The following COQ8A variants were observed in gnomAD, a reference collection of about 807,000 sequenced individuals.
COQ8A encodes the protein coenzyme Q8A, also known as atypical kinase COQ8A, mitochondrial.
Under a neutral mutation model 65.0 loss-of-function variants are expected in COQ8A, and 51 were observed. The ratio of observed to expected loss-of-function variants is 0.78; its 90% CI spans 0.63 to 0.99. COQ8A has a LOEUF of 0.99. Among genes scored for constraint, COQ8A ranks in the 50% least tolerant of loss-of-function variants. The pLI is 0.00. For missense variants in COQ8A, 940 were observed against 875.0 expected, an observed-to-expected ratio of 1.07 and a Z score of -0.94; for synonymous variants, 371 against 353.2, an observed-to-expected ratio of 1.05 and a Z score of -0.57.
intron 2 of COQ8A, among the ~76,000 whole-genome samples, chr1:226,963,228 C>T (rs370711853): frequency 3.3e-5 from 5 of 152,224 alleles, no homozygotes; most frequent in South Asian, 2.1e-4. Context: ...CCAGGAGGCA[C>T]GGGAGCAGGG....
At chr1:226,968,291 C>T (rs190466687) in intron 4 of COQ8A, among the ~76,000 whole-genome samples, 166 of 152,184 alleles carry the variant, frequency 1.1e-3, no homozygotes, top group Non-Finnish European at 1.3e-3. Context: ...GCTGAGATTG[C>T]GCCACTGCAC....
chr1:226,970,460 C>A (rs117110997), intron 4 of COQ8A, among the ~76,000 whole-genome samples: 2 of 152,140 alleles, frequency 1.3e-5, no homozygotes, highest in African/African-American at 4.8e-5. Flanking sequence ...TGTAATACAA[C>A]GGTATTTGTG....
At position 226,972,050 on chromosome 1, in the gene COQ8A, T is replaced by G. The variant is rs1658939100; in HGVS notation, c.656-5399T>G. 6.6e-6 allele frequency among the ~76,000 whole-genome samples: 1 copy of G among 152,242 alleles called. No individual in the cohort carries two copies. Among genetic ancestry groups the G allele is most frequent in the Admixed American group, 6.5e-5 (1 of 15,286 alleles). ...TTTCCATGCCTTTTTCCATTTATCCTTCAGTCTTGCAGGTTTAGAGGAGAT... is the reference window on the plus strand; with the variant it reads ...TTTCCATGCCTTTTTCCATTTATCCGTCAGTCTTGCAGGTTTAGAGGAGAT... On this transcript the variant is annotated intron_variant, in intron 4 of 14. Transcript: ENST00000366777. The surrounding 1 kb of genome is among the most constrained non-coding windows in gnomAD (Gnocchi z 4.3).
chr1:226,985,183 C>T, intron 13 of COQ8A, 71 bp from the exon 14 acceptor site: 2 of 1,548,206 alleles, frequency 1.3e-6, no homozygotes, highest in Admixed American at 3.3e-5. Context: ...GGGTGTGGCA[C>T]TTGGCTCCCT....
At position 226,965,283 on chromosome 1, in the gene COQ8A, C is replaced by T; in HGVS notation, c.461C>T (p.Ser154Phe). Residue 154 changes from serine (S) to phenylalanine (F), a missense_variant, in exon 3 of 15, where the codon TCT becomes TTT. Transcript: ENST00000366777. ...TTTGCAAACCCCAGAGACTCATTCT[C>T]TGCCATGGGCTTTCAGCGAAGGTTC... ...RLFANPRDSF[S>F]AMGFQRRFFH... 1 of 1,613,994 alleles carries T rather than the reference C, an allele frequency of 6.2e-7. No individual in the cohort carries two copies. The highest frequency in any genetic ancestry group is 2.2e-5 in the East Asian group (1 of 44,868).
At chr1:226,963,168 G>C (rs1010925514) in intron 2 of COQ8A, among the ~76,000 whole-genome samples, 1 of 152,202 alleles carries the variant, frequency 6.6e-6, no homozygotes, top group Non-Finnish European at 1.5e-5. Flanking sequence ...AAGGGGCAGG[G>C]CTTCCCCATC....
At chr1:226,983,114 A>C in intron 8 of COQ8A, 80 bp downstream of exon 8, 1 of 1,512,830 alleles carries the variant, frequency 6.6e-7, no homozygotes. Flanking sequence ...GGAGGCCTCT[A>C]CACCCCACGT....
Position 226,949,814 on chromosome 1 carries a change from G to A in COQ8A, c.-10+9415G>A, listed in dbSNP as rs544513585. 1.3e-5 allele frequency among the ~76,000 whole-genome samples: 2 copies of A among 152,284 alleles called. No individual in the cohort carries two copies. Among genetic ancestry groups the A allele is most frequent in the African/African-American group, 4.8e-5 (2 of 41,562 alleles). The stretch of plus-strand genomic sequence containing the variant: ...TAAGCACCTACTATATGTCCTGAAT[G>A]CTGTTACATGGATTTATCCAGTCCT... On this transcript the variant is annotated intron_variant, in intron 1 of 14. Coordinates refer to ENST00000366777, the MANE Select transcript of COQ8A (RefSeq NM_020247.5). The surrounding 1 kb of genome is among the most constrained non-coding windows in gnomAD (Gnocchi z 4.0).
chr1:226,942,369 C>T (rs1656759425), intron 1 of COQ8A, among the ~76,000 whole-genome samples: 1 of 151,700 alleles, frequency 6.6e-6, no homozygotes, highest in South Asian at 2.1e-4. Flanking sequence ...AGGTAGACAC[C>T]CATGGGCATG....
At chr1:226,950,356 G>C (rs1371210126) in intron 1 of COQ8A, among the ~76,000 whole-genome samples, 1 of 152,218 alleles carries the variant, frequency 6.6e-6, no homozygotes, top group Non-Finnish European at 1.5e-5. Context: ...TCTTCCAATG[G>C]ATGGAGAATG....
At chr1:226,951,118 G>T (rs1657348686) in intron 1 of COQ8A, among the ~76,000 whole-genome samples, 1 of 152,196 alleles carries the variant, frequency 6.6e-6, no homozygotes, top group African/African-American at 2.4e-5. Flanking sequence ...TGGGGCATGG[G>T]GTGGAGGCAG....
chr1:226,953,441 A>T (rs1657510839), intron 1 of COQ8A, among the ~76,000 whole-genome samples: 1 of 152,238 alleles, frequency 6.6e-6, no homozygotes, highest in African/African-American at 2.4e-5. Flanking sequence ...GAATGTTCAC[A>T]TCTGTTTTTA....
intron 13 of COQ8A, 138 bp from the exon 14 acceptor site, chr1:226,985,116 T>C: frequency 8.0e-7 from 1 of 1,256,456 alleles, no homozygotes; most frequent in Non-Finnish European, 1.2e-6. Flanking sequence ...CCAGGCGTGG[T>C]GTCACAGCAC....
At chr1:226,981,987 C>G in intron 5 of COQ8A, 40 bp from the exon 6 acceptor site, 1 of 1,612,742 alleles carries the variant, frequency 6.2e-7, no homozygotes, top group South Asian at 1.1e-5. Context: ...ACTCCCAGAC[C>G]CCCCCGAGTG....
At chr1:226,967,844 G>A (rs1270802432) in intron 4 of COQ8A, among the ~76,000 whole-genome samples, 1 of 152,200 alleles carries the variant, frequency 6.6e-6, no homozygotes, top group Non-Finnish European at 1.5e-5. Flanking sequence ...ATTCAGAGAT[G>A]CTCATGTTGT....
At chr1:226,982,489 G>A (rs1659759936) in intron 6 of COQ8A, 189 bp from the exon 7 acceptor site, 3 of 712,920 alleles carry the variant, frequency 4.2e-6, no homozygotes, top group Admixed American at 4.3e-5. Flanking sequence ...GTCACTGGGC[G>A]GAGGCTGGGG....
In COQ8A at chr1:226,978,932, CA is replaced by C. The variant is rs1354240311; in HGVS notation, c.730+1410del. Among the ~76,000 whole-genome samples the C allele has an allele frequency of 8.0e-5, 12 of 150,698 alleles. No individual in the cohort carries two copies. In the East Asian group the frequency reaches 1.6e-3, roughly 20 times the overall value. On this transcript the variant is annotated intron_variant, in intron 5 of 14. Coordinates refer to ENST00000366777, the MANE Select transcript of COQ8A (RefSeq NM_020247.5). ...GCACCTCCTTACCCCTCCACACACC[CA>C]CCACACACCCACACACCTTACCCTC...
chr1:226,959,508 T>C (rs563273519), intron 1 of COQ8A, among the ~76,000 whole-genome samples: 15 of 151,774 alleles, frequency 9.9e-5, no homozygotes, highest in African/African-American at 3.4e-4. Flanking sequence ...CCCTAAACAG[T>C]AGGTCAGCGA....
At chr1:226,983,973 G>C in intron 10 of COQ8A, 119 bp downstream of exon 10, 1 of 1,550,372 alleles carries the variant, frequency 6.5e-7, no homozygotes, top group Non-Finnish European at 8.7e-7. Context: ...TTGCAGCCTG[G>C]GCCGAGGCCA....
Sources: gnomAD v4.1 joint callset for allele counts (sites outside exome capture counted in the v4.1 genomes callset) on GRCh38, gnomAD v4.1.1 for gene constraint, Gnocchi (gnomAD v3.1) non-coding constraint, MANE v1.5 for transcripts, NCBI Gene and HGNC (gene_info 2026-07-23, HGNC 2026-07-21) for gene names.